PRR16: variants seen among roughly 807,000 people sequenced by gnomAD.
The protein encoded by PRR16 is protein Largen.
PRR16 carries 6 observed loss-of-function variants against 18.2 expected under a neutral mutation model. That is an observed-to-expected ratio of 0.33 (90% CI 0.18 to 0.65). The LOEUF is 0.65. Among genes scored for constraint, PRR16 ranks in the 30% least tolerant of loss-of-function variants. The pLI, the probability that PRR16 is intolerant of heterozygous loss-of-function variation, is 0.74. For missense variants in PRR16, 412 were observed against 376.6 expected, an observed-to-expected ratio of 1.09 and a Z score of -0.78; for synonymous variants, 151 against 147.8, an observed-to-expected ratio of 1.02 and a Z score of -0.16.
chr5:120,614,657 G>A (rs771907003), intron 1 of PRR16, among the ~76,000 whole-genome samples: 23 of 152,194 alleles, frequency 1.5e-4, no homozygotes, highest in Admixed American at 1.3e-3. Flanking sequence ...CTTGTAGTTG[G>A]CAGGAATGTT....
At chr5:120,494,214 T>A (rs955423749) in intron 1 of PRR16, among the ~76,000 whole-genome samples, 1 of 152,152 alleles carries the variant, frequency 6.6e-6, no homozygotes. Flanking sequence ...CACTACTTTT[T>A]TCTAGTTATT....
At chr5:120,486,020 G>C (rs1195750589) in intron 1 of PRR16, among the ~76,000 whole-genome samples, 2 of 152,134 alleles carry the variant, frequency 1.3e-5, no homozygotes, top group African/African-American at 2.4e-5. Flanking sequence ...TGGTGTATAT[G>C]TGCCACATTT....
At chr5:120,658,086 A>G (rs984531263) in intron 1 of PRR16, 1 of 151,950 alleles carries the variant, frequency 6.6e-6, no homozygotes, top group Non-Finnish European at 1.5e-5. Flanking sequence ...TATTGGACCC[A>G]TGTTTGAAAA....
At chr5:120,475,805 C>T (rs537052262) in intron 1 of PRR16, among the ~76,000 whole-genome samples, 2 of 152,032 alleles carry the variant, frequency 1.3e-5, no homozygotes, top group African/African-American at 2.4e-5. Flanking sequence ...CTGGGCTATT[C>T]CATATAGATA....
the PRR16 span, among the ~76,000 whole-genome samples, chr5:120,714,737 C>T: frequency 6.6e-6 from 1 of 152,082 alleles, no homozygotes; most frequent in East Asian, 1.9e-4. Context: ...ATGGAACCAA[C>T]TCAAAGGCCC....
chr5:120,739,734 A>G, the PRR16 span, among the ~76,000 whole-genome samples: 1 of 152,170 alleles, frequency 6.6e-6, no homozygotes, highest in African/African-American at 2.4e-5. Context: ...AAAAATCATT[A>G]GCACAAATTA....
chr5:120,767,104 A>ACTGGATAACAACATTT, the PRR16 span, among the ~76,000 whole-genome samples: 1 of 151,968 alleles, frequency 6.6e-6, no homozygotes, highest in Non-Finnish European at 1.5e-5. Flanking sequence ...GATGGTCACA[A>ACTGGATAACAACATTT]CTGGATAACA....
At chr5:120,634,703 T>C (rs917978517) in intron 1 of PRR16, among the ~76,000 whole-genome samples, 31 of 151,802 alleles carry the variant, frequency 2.0e-4, no homozygotes, top group Admixed American at 9.8e-4. Context: ...CTTCATGAAA[T>C]TGGAGAAACA....
At chr5:120,513,757 GTTTTC>G in intron 1 of PRR16, among the ~76,000 whole-genome samples, 1 of 146,866 alleles carries the variant, frequency 6.8e-6, no homozygotes, top group South Asian at 2.1e-4. Flanking sequence ...GATCCCATCT[GTTTTC>G]TTTTTTTTTT....
downstream of PRR16, among the ~76,000 whole-genome samples, chr5:120,688,020 T>G (rs974512320): frequency 3.9e-5 from 6 of 152,178 alleles, no homozygotes; most frequent in Non-Finnish European, 7.3e-5. Flanking sequence ...GGAGTCATCT[T>G]TTGTGGAAAT....
chr5:120,520,791 G>A (rs1751148562), intron 1 of PRR16, among the ~76,000 whole-genome samples: 1 of 152,024 alleles, frequency 6.6e-6, no homozygotes, highest in Non-Finnish European at 1.5e-5. Context: ...AAAGCTTTGA[G>A]GATCTATTCC....
chr5:120,750,727 G>T, the PRR16 span, among the ~76,000 whole-genome samples: 2 of 151,916 alleles, frequency 1.3e-5, no homozygotes, highest in African/African-American at 4.8e-5. Context: ...GTGTTATTTT[G>T]ATATAAGAAT....
chr5:120,650,498 G>T (rs190589761), intron 1 of PRR16, among the ~76,000 whole-genome samples: 1 of 112,900 alleles, frequency 8.9e-6, no homozygotes, highest in Non-Finnish European at 1.7e-5. Flanking sequence ...TCCACAACAG[G>T]CCCCGGTGTG....
At chr5:120,607,767 T>C (rs983259080) in intron 1 of PRR16, among the ~76,000 whole-genome samples, 2 of 151,880 alleles carry the variant, frequency 1.3e-5, no homozygotes, top group African/African-American at 2.4e-5. Context: ...CTAGAGGTGA[T>C]AACCATGTGT....
At chr5:120,491,734 G>C (rs143160124) in intron 1 of PRR16, among the ~76,000 whole-genome samples, 2 of 152,056 alleles carry the variant, frequency 1.3e-5, no homozygotes, top group African/African-American at 2.4e-5. Context: ...ATTAGAGACA[G>C]GGTTTCACCA....
chr5:120,665,600 GT>G (rs1756344428), intron 1 of PRR16, among the ~76,000 whole-genome samples: 1 of 151,934 alleles, frequency 6.6e-6, no homozygotes, highest in African/African-American at 2.4e-5. Context: ...GGTCTAACAT[GT>G]AAGTCTTTAA....
chr5:120,548,928 A>G (rs1752161472), intron 1 of PRR16, among the ~76,000 whole-genome samples: 2 of 150,904 alleles, frequency 1.3e-5, no homozygotes, highest in South Asian at 4.2e-4. Flanking sequence ...AGACATGCTG[A>G]AAATAAACTG....
chr5:120,788,785 C>T, the PRR16 span, among the ~76,000 whole-genome samples: 1 of 152,096 alleles, frequency 6.6e-6, no homozygotes, highest in African/African-American at 2.4e-5. Context: ...CCTCGAGTCT[C>T]ACTGACCTGT....
At chr5:120,649,047 A>G (rs1181788438) in intron 1 of PRR16, among the ~76,000 whole-genome samples, 2 of 152,114 alleles carry the variant, frequency 1.3e-5, no homozygotes, top group Non-Finnish European at 2.9e-5. Flanking sequence ...ATTTTTAATA[A>G]TCGTTTAACA....
Sources: gnomAD v4.1 joint callset for allele counts (sites outside exome capture counted in the v4.1 genomes callset) on GRCh38, gnomAD v4.1.1 for gene constraint, MANE v1.5 for transcripts, NCBI Gene and HGNC (gene_info 2026-07-23, HGNC 2026-07-21) for gene names.